B4GALT5: variants seen among roughly 807,000 people sequenced by gnomAD.
B4GALT5 encodes beta-1,4-galactosyltransferase 5.
A neutral mutation model predicts 45.0 loss-of-function variants in B4GALT5; 11 were observed. The observed-to-expected ratio is 0.24, with a 90% confidence interval of 0.15 to 0.40. The LOEUF is 0.40. B4GALT5 is among the 10% of genes least tolerant of loss of function. The pLI, the probability that B4GALT5 is intolerant of heterozygous loss-of-function variation, is 1.00. For missense variants in B4GALT5, 337 were observed against 500.2 expected (o/e 0.67, Z 3.11); for synonymous variants, 185 against 182.9 (o/e 1.01, Z -0.09).
At chr20:49,682,216 G>T (rs1487209937) in intron 1 of B4GALT5, among the ~76,000 whole-genome samples, 1 of 152,222 alleles carries the variant, frequency 6.6e-6, no homozygotes, top group Admixed American at 6.5e-5. Flanking sequence ...GGTGAATCCT[G>T]CCCAGTGCCT....
chr20:49,710,514 G>T (rs1246691560), intron 1 of B4GALT5, among the ~76,000 whole-genome samples: 1 of 150,718 alleles, frequency 6.6e-6, no homozygotes, highest in Admixed American at 6.6e-5. Context: ...CTGCCTCCTG[G>T]GTTCAAGTGA....
intron 1 of B4GALT5, among the ~76,000 whole-genome samples, chr20:49,671,064 G>A (rs1002770422): frequency 6.6e-6 from 1 of 152,114 alleles, no homozygotes; most frequent in African/African-American, 2.4e-5. Flanking sequence ...TATTGTTTTA[G>A]AAGTACTCAC....
At chr20:49,649,565 A>T (rs954001611) in intron 2 of B4GALT5, among the ~76,000 whole-genome samples, 1 of 152,100 alleles carries the variant, frequency 6.6e-6, no homozygotes, top group Non-Finnish European at 1.5e-5. Flanking sequence ...GGGTGACAGA[A>T]TGAGATCCTA....
intron 1 of B4GALT5, among the ~76,000 whole-genome samples, chr20:49,706,457 C>T (rs1013307696): frequency 2.6e-5 from 4 of 152,154 alleles, no homozygotes; most frequent in African/African-American, 9.7e-5. Flanking sequence ...ATATGATCAT[C>T]TATAAATTGA....
intron 1 of B4GALT5, among the ~76,000 whole-genome samples, chr20:49,688,556 T>G (rs75358595): frequency 1.3e-5 from 2 of 152,166 alleles, no homozygotes; most frequent in Non-Finnish European, 2.9e-5. Context: ...ATCTAGATAT[T>G]AGAAAATCAT....
chr20:49,713,129 T>G (rs1600563166), intron 1 of B4GALT5, among the ~76,000 whole-genome samples: 1 of 135,056 alleles, frequency 7.4e-6, no homozygotes, highest in African/African-American at 2.9e-5. Flanking sequence ...CCCGGGCACA[T>G]GGGCTCGGCG....
chr20:49,655,238 C>G (rs1022800536), intron 2 of B4GALT5, among the ~76,000 whole-genome samples: 2 of 150,826 alleles, frequency 1.3e-5, no homozygotes, highest in Non-Finnish European at 3.0e-5. Context: ...TGAGACCAGC[C>G]CGGCCAACAT....
chr20:49,684,039 G>T (rs563856753), intron 1 of B4GALT5, among the ~76,000 whole-genome samples: 1 of 152,032 alleles, frequency 6.6e-6, no homozygotes, highest in Admixed American at 6.5e-5. Flanking sequence ...TACTTGGAAG[G>T]CTGAGGAGGG....
At chr20:49,691,835 T>G (rs1244058350) in intron 1 of B4GALT5, among the ~76,000 whole-genome samples, 1 of 152,194 alleles carries the variant, frequency 6.6e-6, no homozygotes, top group Non-Finnish European at 1.5e-5. Flanking sequence ...ATACACTGAA[T>G]GTATTATTTT....
At chr20:49,694,667 AAAGGGAAAGGGAAAGGG>A (rs2085830737) in intron 1 of B4GALT5, among the ~76,000 whole-genome samples, 1 of 44,412 alleles carries the variant, frequency 2.3e-5, no homozygotes, top group Non-Finnish European at 7.2e-5. Flanking sequence ...AAGGAAAGGG[AAAGGGAAAGGGAAAGGG>A]AAAGGGAAAG....
intron 1 of B4GALT5, among the ~76,000 whole-genome samples, chr20:49,665,427 TG>T (rs1175268413): frequency 5.4e-4 from 4 of 7,428 alleles, no homozygotes; most frequent in Non-Finnish European, 9.8e-4. Flanking sequence ...AAAGGGGGGG[TG>T]GGGGGGTAGT....
intron 1 of B4GALT5, among the ~76,000 whole-genome samples, chr20:49,705,717 C>A (rs530262320): frequency 6.6e-6 from 1 of 152,206 alleles, no homozygotes; most frequent in South Asian, 2.1e-4. Flanking sequence ...CATGAAACTT[C>A]AGATCTGAAA....
chr20:49,643,922 CTTTTTTT>C (rs138727530), intron 3 of B4GALT5, among the ~76,000 whole-genome samples: 7 of 52,186 alleles, frequency 1.3e-4, no homozygotes, highest in African/African-American at 1.7e-4. Flanking sequence ...AGTAGCTGAG[CTTTTTTT>C]TTTTTTTTTT....
rs749745490 is a variant in B4GALT5 at position 49,713,543 on chromosome 20, G to T, written c.115+33C>A. On this transcript the variant is annotated intron_variant, in intron 1 of 8. Coordinates refer to ENST00000371711, the MANE Select transcript of B4GALT5 (RefSeq NM_004776.4). The stretch of plus-strand genomic sequence containing the variant: ...TCCCCGGGTCCCTCAAGGCCAGAGC[G>T]GCAGCCGCCGCGGTCCCAAGCCCCC... 9 of 1,543,848 alleles carry T rather than the reference G, an allele frequency of 5.8e-6. No individual in the cohort carries two copies. In the South Asian group the frequency reaches 1.1e-4, roughly 18 times the overall value.
intron 1 of B4GALT5, among the ~76,000 whole-genome samples, chr20:49,674,831 TCCAAATTCC>T (rs2085730998): frequency 6.6e-6 from 1 of 152,156 alleles, no homozygotes; most frequent in Non-Finnish European, 1.5e-5. Context: ...ACTTTCAAGG[TCCAAATTCC>T]TCATGCTTAG....
rs561394022 is a variant in B4GALT5 at position 49,678,171 on chromosome 20, C to T, written c.116-21469G>A. On this transcript the variant is annotated intron_variant, in intron 1 of 8. Coordinates refer to ENST00000371711, the MANE Select transcript of B4GALT5 (RefSeq NM_004776.4). The stretch of plus-strand genomic sequence containing the variant: ...TGGCAGGGTAGAGAATCAAATGACA[C>T]TGGAAGTGGGGCCTTGATCTCACCC... Among the ~76,000 whole-genome samples, 8 of 152,368 alleles carry T rather than the reference C, an allele frequency of 5.3e-5. No individual in the cohort carries two copies. The East Asian group carries it at 1.3e-3, about 26-fold the overall frequency.
intron 1 of B4GALT5, among the ~76,000 whole-genome samples, chr20:49,661,841 T>C (rs2085666565): frequency 6.6e-6 from 1 of 152,216 alleles, no homozygotes. Context: ...TAATAATTTG[T>C]TTTACACTTT....
intron 1 of B4GALT5, among the ~76,000 whole-genome samples, chr20:49,695,047 T>C (rs1317955397): frequency 3.9e-5 from 6 of 152,054 alleles, no homozygotes; most frequent in Non-Finnish European, 7.4e-5. Flanking sequence ...ATATTTACAG[T>C]ATTCCTTAAC....
rs1372056945 is a variant in B4GALT5 at position 49,711,492 on chromosome 20, AC to A, written c.115+2083del. 1.2e-4 allele frequency among the ~76,000 whole-genome samples: 19 copies of A among 152,326 alleles called. No individual in the cohort carries two copies. In the East Asian group the frequency reaches 3.7e-3, roughly 29 times the overall value. On this transcript the variant is annotated intron_variant, in intron 1 of 8. Transcript: ENST00000371711. ...TGGACTCAGACCAGAAGTACCTGTC[AC>A]TTTCACAAAAGGAGAAAAAAAGGAT...
Sources: allele counts gnomAD v4.1 joint callset (sites outside exome capture counted in the v4.1 genomes callset), GRCh38; gene constraint gnomAD v4.1.1; transcripts MANE v1.5; gene names NCBI Gene and HGNC (gene_info 2026-07-23, HGNC 2026-07-21).